The following CBFA2T3 variants were observed in gnomAD, a reference collection of about 807,000 sequenced individuals.
CBFA2T3 encodes the protein transcriptional corepressor CBFA2T3.
Under a neutral mutation model 58.6 loss-of-function variants are expected in CBFA2T3, and 31 were observed. The observed-to-expected ratio is 0.53, with a 90% CI of 0.40 to 0.71. The LOEUF (loss-of-function observed/expected upper bound fraction) is 0.71. CBFA2T3 is among the 30% of genes least tolerant of loss of function. The probability of loss-of-function intolerance (pLI) is 0.00; values close to 1 mark genes in which losing one functional copy is unlikely to be tolerated. For missense variants in CBFA2T3, 1,076 were observed against 963.1 expected (o/e 1.12, Z -1.55); for synonymous variants, 531 against 421.9 (o/e 1.26, Z -3.17).
intron 1 of CBFA2T3, among the ~76,000 whole-genome samples, chr16:88,968,213 C>A (rs532606924): frequency 5.1e-4 from 77 of 152,310 alleles, no homozygotes; most frequent in Non-Finnish European, 9.4e-4. Flanking sequence ...CTGCCAGGGG[C>A]CCTGGCCGCA....
At chr16:88,969,971 G>A (rs1972608198) in intron 1 of CBFA2T3, among the ~76,000 whole-genome samples, 1 of 152,102 alleles carries the variant, frequency 6.6e-6, no homozygotes, top group Non-Finnish European at 1.5e-5. Flanking sequence ...AGGAGGGCAT[G>A]CCTTCTGGCC....
intron 9 of CBFA2T3, 99 bp from the exon 10 acceptor site, chr16:88,880,887 AGT>A: frequency 8.9e-7 from 1 of 1,120,006 alleles, no homozygotes; most frequent in Non-Finnish European, 1.3e-6. Context: ...GCAGGGCGTG[AGT>A]GTGTGCGTCC....
intron 1 of CBFA2T3, among the ~76,000 whole-genome samples, chr16:88,952,725 C>T (rs1222255766): frequency 6.6e-6 from 1 of 152,182 alleles, no homozygotes; most frequent in Non-Finnish European, 1.5e-5. Context: ...ATTCCCTGAT[C>T]TACCCTTCCT....
intron 3 of CBFA2T3, among the ~76,000 whole-genome samples, chr16:88,896,143 G>C (rs1014060072): frequency 6.6e-6 from 1 of 152,214 alleles, no homozygotes; most frequent in Non-Finnish European, 1.5e-5. Flanking sequence ...CCCACACCTA[G>C]TGGAATTCTG....
At chr16:88,904,110 C>G (rs1048348244) in intron 1 of CBFA2T3, among the ~76,000 whole-genome samples, 1 of 151,834 alleles carries the variant, frequency 6.6e-6, no homozygotes, top group Non-Finnish European at 1.5e-5. Context: ...CCTGCGTGCT[C>G]ACGGCCACCA....
chr16:88,882,816 A>G, intron 7 of CBFA2T3, 55 bp from the exon 8 acceptor site: 2 of 1,213,202 alleles, frequency 1.6e-6, no homozygotes, highest in Non-Finnish European at 2.4e-6. Context: ...TCTCTGCCCT[A>G]TTCTCCCAGA....
intron 1 of CBFA2T3, chr16:88,941,931 GCGCT>G (rs1567625377): frequency 8.6e-5 from 13 of 150,376 alleles, no homozygotes. Context: ...CCCCTGCCCC[GCGCT>G]CGCCCCCAGC....
chr16:88,889,692 C>T (rs905742738), intron 5 of CBFA2T3, among the ~76,000 whole-genome samples: 3 of 151,988 alleles, frequency 2.0e-5, no homozygotes, highest in Non-Finnish European at 4.4e-5. Flanking sequence ...ACTCCTCCTC[C>T]TCCAGGGACG....
Position 88,916,167 on chromosome 16 carries a change from C to T in CBFA2T3, c.152-14511G>A, listed in dbSNP as rs144553620. ...GGGTGTGTGTGCATGTGTATTCATGCGTGTATTCATGTGTGCGCATGGGTG... is the reference window on the plus strand; with the variant it reads ...GGGTGTGTGTGCATGTGTATTCATGTGTGTATTCATGTGTGCGCATGGGTG... On this transcript the variant is annotated intron_variant, in intron 1 of 11. Transcript: ENST00000268679. Among the ~76,000 whole-genome samples, 333 of 131,930 alleles carry T rather than the reference C, an allele frequency of 2.5e-3. 1 individual carries two copies. Among genetic ancestry groups the T allele is most frequent in the African/African-American group, 8.0e-3 (281 of 35,308 alleles). 86.6% of individuals were successfully genotyped at this position (131,930 alleles called of 152,430 possible). A position where few individuals can be genotyped will look rare whatever the true frequency, so the allele number is the denominator to read the frequency against.
intron 3 of CBFA2T3, among the ~76,000 whole-genome samples, chr16:88,893,137 G>A (rs1969717107): frequency 1.3e-5 from 2 of 151,966 alleles, no homozygotes; most frequent in Admixed American, 6.5e-5. Flanking sequence ...ATGTTCCCAA[G>A]CAATACCCCC....
In CBFA2T3 at chr16:88,876,091, G is replaced by GA. The variant is rs1312689460; in HGVS notation, c.*884dup. The GA allele has an allele frequency of 1.7e-5, 4 of 232,824 alleles. No homozygotes were observed. Among genetic ancestry groups the GA allele is most frequent in the East Asian group, 6.1e-5 (1 of 16,504 alleles). 14.4% of individuals were successfully genotyped at this position (232,824 alleles called of 1,614,324 possible). On this transcript the variant is annotated 3_prime_UTR_variant, in exon 12 of 12. Transcript: ENST00000268679. Reference sequence around the variant, plus strand: ...CAAACCCAAGAGCAAGTGAAACAGTGAAAAAAATACTTTGGCAGTGACAAA... The same window carrying GA: ...CAAACCCAAGAGCAAGTGAAACAGTGAAAAAAAATACTTTGGCAGTGACAAA...
chr16:88,949,210 C>T (rs1410541542), intron 1 of CBFA2T3, among the ~76,000 whole-genome samples: 6 of 152,150 alleles, frequency 3.9e-5, no homozygotes, highest in East Asian at 1.9e-4. Flanking sequence ...GGGGTTTGGC[C>T]GTGTAGGCAT....
chr16:88,906,122 A>G (rs1463285106), intron 1 of CBFA2T3, among the ~76,000 whole-genome samples: 1 of 151,900 alleles, frequency 6.6e-6, no homozygotes, highest in African/African-American at 2.4e-5. Context: ...ATCCTCCTCT[A>G]TCCCTGCACC....
At chr16:88,894,485 A>G (rs1321287674) in intron 3 of CBFA2T3, among the ~76,000 whole-genome samples, 1 of 119,356 alleles carries the variant, frequency 8.4e-6, no homozygotes, top group Non-Finnish European at 1.7e-5. Flanking sequence ...CATGCACACA[A>G]TGTACACACA....
intron 3 of CBFA2T3, among the ~76,000 whole-genome samples, chr16:88,895,457 G>A (rs763952111): frequency 4.6e-4 from 70 of 152,220 alleles, no homozygotes; most frequent in Non-Finnish European, 2.4e-4. Context: ...CATCCCATGC[G>A]GCAAATGGGC....
intron 1 of CBFA2T3, among the ~76,000 whole-genome samples, chr16:88,921,059 C>T (rs1174305170): frequency 6.6e-6 from 1 of 152,250 alleles, no homozygotes; most frequent in Non-Finnish European, 1.5e-5. Flanking sequence ...CCCTGCTCCG[C>T]CCCCACCCTG....
chr16:88,951,353 T>C (rs2142840568), intron 1 of CBFA2T3: 1 of 457,362 alleles, frequency 2.2e-6, no homozygotes, highest in Non-Finnish European at 4.4e-6. Context: ...CCTTTGTTTG[T>C]TGAGTGACTG....
chr16:88,918,220 G>A (rs1484243795), intron 1 of CBFA2T3, among the ~76,000 whole-genome samples: 3 of 152,198 alleles, frequency 2.0e-5, no homozygotes, highest in African/African-American at 2.4e-5. Flanking sequence ...GCAAACACGC[G>A]CACAAATGGC....
chr16:88,879,741 G>A (rs1199279073), intron 10 of CBFA2T3: 3 of 425,382 alleles, frequency 7.1e-6, no homozygotes, highest in African/African-American at 5.9e-5. Context: ...GCTGGGTCAC[G>A]TGGTGTCACA....
Sources: allele counts gnomAD v4.1 joint callset (sites outside exome capture counted in the v4.1 genomes callset), GRCh38; gene constraint gnomAD v4.1.1; transcripts MANE v1.5; gene names NCBI Gene and HGNC (gene_info 2026-07-23, HGNC 2026-07-21).